CLNS1A: variants seen among roughly 807,000 people sequenced by gnomAD.
The protein encoded by CLNS1A is methylosome subunit pICln.
In CLNS1A, 16 loss-of-function variants were observed where a neutral mutation model predicts 29.4. The observed-to-expected ratio is 0.54, with a 90% confidence interval of 0.37 to 0.83. The LOEUF is 0.83. Ranked by LOEUF, CLNS1A falls within the 40% of genes least tolerant of loss-of-function variation. The pLI, the probability that CLNS1A is intolerant of heterozygous loss-of-function variation, is 0.00. For missense variants in CLNS1A, 235 were observed against 287.4 expected, an observed-to-expected ratio of 0.82 and a Z score of 1.32; for synonymous variants, 96 against 104.8, an observed-to-expected ratio of 0.92 and a Z score of 0.51.
intron 2 of CLNS1A, among the ~76,000 whole-genome samples, 190 bp from the exon 3 acceptor site, chr11:77,626,008 G>C (rs974089620): frequency 6.6e-6 from 1 of 151,980 alleles, no homozygotes; most frequent in African/African-American, 2.4e-5. Context: ...TCCTGACCTC[G>C]AGATCCACGC....
Position 77,629,786 on chromosome 11 carries a change from A to G in CLNS1A, c.239T>C (p.Val80Ala), listed in dbSNP as rs1959056537. 6.2e-7 allele frequency: 1 copy of G among 1,612,950 alleles called. No individual in the cohort carries two copies. The highest frequency in any genetic ancestry group is 1.7e-5 in the Admixed American group (1 of 60,002). ...RSDCLGEHLY[V>A]MVNAKFEEES... Reference sequence around the variant, plus strand: ...ACCTTCAAATTTGGCATTCACCATAACATACAAATGCTCTCCTAGACAGTC... The same window carrying G: ...ACCTTCAAATTTGGCATTCACCATAGCATACAAATGCTCTCCTAGACAGTC... The change falls in exon 2 of 7, where the codon GTT (valine) becomes GCT (alanine). Residue 80 changes from valine (V) to alanine (A), a missense_variant. Val to Ala is a moderately conservative substitution (Grantham distance 64). Transcript: ENST00000525428.
intron 2 of CLNS1A, among the ~76,000 whole-genome samples, chr11:77,626,639 A>G (rs1224921790): frequency 7.1e-6 from 1 of 141,604 alleles, no homozygotes; most frequent in African/African-American, 2.7e-5. Context: ...ACTCCATCAC[A>G]AAAAAAAAAA....
At chr11:77,619,893 C>A (rs556931208) in intron 5 of CLNS1A, among the ~76,000 whole-genome samples, 198 bp from the exon 6 acceptor site, 1 of 152,278 alleles carries the variant, frequency 6.6e-6, no homozygotes, top group South Asian at 2.1e-4. Context: ...AATCAGTCTG[C>A]GACACTAACT....
Position 77,625,013 on chromosome 11 carries a change from T to C in CLNS1A, c.422A>G (p.Asp141Gly), listed in dbSNP as rs1959001883. The C allele has an allele frequency of 1.2e-6, 2 of 1,613,952 alleles. No individual in the cohort carries two copies. ...ECQALHPDPE[D>G]EDSDDYDGEE... ...TCCATCGTAGTCATCTGAATCCTCA[T>C]CCTCAGGATCTGGATGCAAGGCCTG... Residue 141 changes from aspartate to glycine, a missense_variant, in exon 4 of 7, where the codon GAT (aspartate) becomes GGT (glycine). Transcript: ENST00000525428.
chr11:77,636,230 G>A (rs1332396399), intron 1 of CLNS1A, among the ~76,000 whole-genome samples: 4 of 151,974 alleles, frequency 2.6e-5, no homozygotes, highest in South Asian at 4.1e-4. Context: ...ACCATGCCTG[G>A]CTAATTTTTG....
intron 2 of CLNS1A, among the ~76,000 whole-genome samples, chr11:77,629,394 T>C (rs1217655586): frequency 6.6e-6 from 1 of 151,878 alleles, no homozygotes; most frequent in African/African-American, 2.4e-5. Flanking sequence ...AAGACTCTTT[T>C]TTTTCTTTTT....
At chr11:77,632,089 T>G (rs566300968) in intron 1 of CLNS1A, among the ~76,000 whole-genome samples, 54 of 152,212 alleles carry the variant, frequency 3.5e-4, no homozygotes, top group Non-Finnish European at 7.5e-4. Flanking sequence ...TACAAATTGT[T>G]TTCCAGAACA....
chr11:77,634,021 A>C (rs925473683), intron 1 of CLNS1A, among the ~76,000 whole-genome samples: 7 of 152,076 alleles, frequency 4.6e-5, no homozygotes, highest in Admixed American at 2.0e-4. Flanking sequence ...GAATAGCTTG[A>C]ACTCAGGAGG....
chr11:77,637,269 AGAAAG>A (rs1959138913), intron 1 of CLNS1A, among the ~76,000 whole-genome samples: 2 of 145,406 alleles, frequency 1.4e-5, no homozygotes, highest in African/African-American at 2.6e-5. Context: ...AGAAAATAAA[AGAAAG>A]AAAGAAAGAA....
In CLNS1A at chr11:77,622,679, C is replaced by T; in HGVS notation, c.473-6G>A. 4.5e-6 allele frequency: 7 copies of T among 1,558,096 alleles called. No individual in the cohort carries two copies. The highest frequency in any genetic ancestry group is 1.7e-4 in the Middle Eastern group (1 of 5,772). On this transcript the variant is annotated splice_region_variant and splice_polypyrimidine_tract_variant and intron_variant, in intron 4 of 6. Transcript: ENST00000525428. Reference sequence around the variant, plus strand: ...GATGTCCCCCTGTCCTTGTTCTAAACAAACAGAAAACTTTAAAGTTTAAAT... The same window carrying T: ...GATGTCCCCCTGTCCTTGTTCTAAATAAACAGAAAACTTTAAAGTTTAAAT...
chr11:77,631,466 G>A (rs940098883), intron 1 of CLNS1A, among the ~76,000 whole-genome samples: 2 of 151,334 alleles, frequency 1.3e-5, no homozygotes, highest in Non-Finnish European at 2.9e-5. Context: ...GACTACAGGC[G>A]CCCGCCACCA....
rs777192891 is a variant in CLNS1A at position 77,624,980 on chromosome 11, T to C, written c.455A>G (p.Tyr152Cys). 3.5e-5 allele frequency: 57 copies of C among 1,611,188 alleles called. No individual in the cohort carries two copies. Among genetic ancestry groups the C allele is most frequent in the Non-Finnish European group, 4.8e-5 (57 of 1,178,232 alleles). ...TCACTAACCATGTGCTTCCACATCATATTCTTCTCCATCGTAGTCATCTGA... is the reference window on the plus strand; with the variant it reads ...TCACTAACCATGTGCTTCCACATCACATTCTTCTCCATCGTAGTCATCTGA... The part of the protein sequence containing the change: ...EDSDDYDGEE[Y>C]DVEAHEQGQG... Residue 152 changes from tyrosine to cysteine, a missense_variant, in exon 4 of 7, where the codon TAT becomes TGT. Transcript: ENST00000525428.
rs567682826 is a variant in CLNS1A at position 77,616,670 on chromosome 11, T to A, written c.*48A>T. ...ACTCCAGAGTGGAAGAGGCACCAAG[T>A]TCTCTCCTACACTTAGGAGCAGAAT... On this transcript the variant is annotated 3_prime_UTR_variant, in exon 7 of 7. Transcript: ENST00000525428. 2 of 152,684 alleles carry A rather than the reference T, an allele frequency of 1.3e-5. No individual in the cohort carries two copies. Among genetic ancestry groups the A allele is most frequent in the East Asian group, 1.9e-4 (1 of 5,180 alleles). The allele number at this position is 152,684 out of a possible 1,614,324, so 9.5% of individuals were successfully genotyped here. A position where few individuals can be genotyped will look rare whatever the true frequency, so the allele number is the denominator to read the frequency against.
At chr11:77,621,908 G>C (rs891905578) in intron 5 of CLNS1A, 1 of 452,496 alleles carries the variant, frequency 2.2e-6, no homozygotes, top group East Asian at 7.0e-5. Context: ...AACTTCTGAG[G>C]CAGCAGAATG....
rs1165884127 is a variant in CLNS1A at position 77,616,406 on chromosome 11, A to G, written c.*312T>C. On this transcript the variant is annotated 3_prime_UTR_variant, in exon 7 of 7. Coordinates refer to ENST00000525428, the MANE Select transcript of CLNS1A (RefSeq NM_001293.3). ...ACCACATAGATCTGCTAGCTTACAA[A>G]TGATGCACACAGTCAAGGTAGGAAT... 3.9e-5 allele frequency: 6 copies of G among 152,606 alleles called. No homozygotes were observed. Among genetic ancestry groups the G allele is most frequent in the African/African-American group, 1.4e-4 (6 of 41,458 alleles). 9.5% of individuals were successfully genotyped at this position (152,606 alleles called of 1,614,324 possible).
chr11:77,616,751 CTTAT>C (rs1279334240), intron 6 of CLNS1A, 56 bp from the exon 7 acceptor site: 1 of 152,244 alleles, frequency 6.6e-6, no homozygotes, highest in African/African-American at 2.4e-5. Flanking sequence ...ATAGCTACTA[CTTAT>C]TGAATGCCTA....
In CLNS1A at chr11:77,622,480, C is replaced by T. The variant is rs767917208; in HGVS notation, c.646+20G>A. The T allele has an allele frequency of 6.4e-7, 1 of 1,557,654 alleles. No individual in the cohort carries two copies. On this transcript the variant is annotated intron_variant, in intron 5 of 6. Coordinates refer to ENST00000525428, the MANE Select transcript of CLNS1A (RefSeq NM_001293.3). Reference sequence around the variant, plus strand: ...GCCCAAGTGCTCATCTGACTGTTCACACTGCAAAAGGACACTCACCTTCAT... The same window carrying T: ...GCCCAAGTGCTCATCTGACTGTTCATACTGCAAAAGGACACTCACCTTCAT...
chr11:77,617,130 G>A lies in CLNS1A; in HGVS notation c.*23-435C>T, dbSNP rs1451026329. On this transcript the variant is annotated intron_variant, in intron 6 of 6. Coordinates refer to ENST00000525428, the MANE Select transcript of CLNS1A (RefSeq NM_001293.3). ...CACCTGTAATCCCAGCACTTTGGGA[G>A]GCCAAGGCAGGCGGATAACCTGAGG... 2.0e-5 allele frequency among the ~76,000 whole-genome samples: 3 copies of A among 152,130 alleles called. No individual in the cohort carries two copies. The East Asian group carries it at 5.8e-4, about 29-fold the overall frequency.
chr11:77,624,594 C>T (rs966627302), intron 4 of CLNS1A, among the ~76,000 whole-genome samples: 2 of 152,058 alleles, frequency 1.3e-5, no homozygotes, highest in Non-Finnish European at 2.9e-5. Flanking sequence ...CCGAGGCAGG[C>T]GGATCACCTG....
Sources: gnomAD v4.1 joint callset for allele counts (sites outside exome capture counted in the v4.1 genomes callset) on GRCh38, gnomAD v4.1.1 for gene constraint, MANE v1.5 for transcripts, NCBI Gene and HGNC (gene_info 2026-07-23, HGNC 2026-07-21) for gene names.